Variants in SLC25A29 observed in about 807,000 individuals in gnomAD.
SLC25A29 encodes mitochondrial basic amino acids transporter.
Under a neutral mutation model 10.0 loss-of-function variants are expected in SLC25A29, and 13 were observed. The ratio of observed to expected loss-of-function variants is 1.30; its 90% CI spans 0.85 to 2.07. The LOEUF is 2.07. Ranked by LOEUF, SLC25A29 falls within the 30% of genes most tolerant of loss-of-function variation. The pLI is 0.00. For synonymous variants in SLC25A29, 244 were observed against 221.1 expected, an observed-to-expected ratio of 1.10 and a Z score of -0.92; for missense variants, 475 against 447.6, an observed-to-expected ratio of 1.06 and a Z score of -0.55.
chr14:100,279,519 G>A, the SLC25A29 span: 1 of 152,244 alleles, frequency 6.6e-6, no homozygotes, highest in Admixed American at 6.5e-5. Flanking sequence ...TGATGGAACT[G>A]AGTTAAGCAG....
At chr14:100,293,133 C>T in intron 3 of SLC25A29, 101 bp from the exon 4 acceptor site, 1 of 1,453,460 alleles carries the variant, frequency 6.9e-7, no homozygotes. Context: ...ACCCCAGGGG[C>T]TCCTGAGGAC....
At chr14:100,288,404 A>AAAAAAAG (rs1891588739), downstream of SLC25A29, among the ~76,000 whole-genome samples, 1 of 151,406 alleles carries the variant, frequency 6.6e-6, no homozygotes, top group Non-Finnish European at 1.5e-5. Context: ...AAAAAAAAAA[A>AAAAAAAG]AAGACAGTTT....
chr14:100,295,650 C>T (rs897604356), intron 2 of SLC25A29: 21 of 1,289,406 alleles, frequency 1.6e-5, no homozygotes, highest in African/African-American at 1.4e-4. Context: ...GTGAGGCTTA[C>T]GCCCATCTAC....
chr14:100,295,714 A>C (rs1566800288), intron 2 of SLC25A29: 1 of 1,289,562 alleles, frequency 7.8e-7, no homozygotes, highest in East Asian at 5.5e-5. Context: ...CAGAAAGTAA[A>C]GGCGGTTAAA....
At chr14:100,283,408 A>G in the SLC25A29 span, among the ~76,000 whole-genome samples, 1 of 152,028 alleles carries the variant, frequency 6.6e-6, no homozygotes, top group African/African-American at 2.4e-5. Flanking sequence ...TGAAGGCCCT[A>G]AGTAGGGCTG....
chr14:100,289,707 G>A (rs1032978477), downstream of SLC25A29, among the ~76,000 whole-genome samples: 7 of 151,884 alleles, frequency 4.6e-5, no homozygotes, highest in Admixed American at 1.3e-4. Flanking sequence ...GCCAGGTGTG[G>A]TGGTGCACGC....
At chr14:100,302,014 TCTCTA>T (rs1288155438) in intron 1 of SLC25A29, among the ~76,000 whole-genome samples, 2 of 151,112 alleles carry the variant, frequency 1.3e-5, no homozygotes, top group Non-Finnish European at 2.9e-5. Flanking sequence ...AATCTTGGGG[TCTCTA>T]CTCATCAACT....
In SLC25A29 at chr14:100,292,798, C is replaced by G. The variant is rs768391843; in HGVS notation, c.397G>C (p.Gly133Arg). The change falls in exon 4 of 4, where the codon GGC becomes CGC. Residue 133 changes from glycine to arginine, a missense_variant. By Grantham distance (125) the Gly-to-Arg change is moderately radical. Coordinates refer to ENST00000359232, the MANE Select transcript of SLC25A29 (RefSeq NM_001039355.3). ...QDAGPARTYKGSLDCLAQIYG... is the reference protein window; with the variant it reads ...QDAGPARTYKRSLDCLAQIYG... ...ATCTGCGCGAGGCAGTCCAGCGAGC[C>G]CTTGTAGGTGCGCGCTGGGCCCGCG... is the stretch of plus-strand genomic sequence containing the variant. 9.4e-6 allele frequency: 15 copies of G among 1,594,652 alleles called. No homozygotes were observed. The highest frequency in any genetic ancestry group is 7.7e-6 in the Non-Finnish European group (9 of 1,172,598).
chr14:100,300,783 GAAC>G (rs1395334455), intron 1 of SLC25A29, among the ~76,000 whole-genome samples: 1 of 152,164 alleles, frequency 6.6e-6, no homozygotes, highest in Non-Finnish European at 1.5e-5. Context: ...GATTTTGCTG[GAAC>G]AACTGAGGGA....
At chr14:100,301,456 C>T (rs188023710) in intron 1 of SLC25A29, among the ~76,000 whole-genome samples, 5 of 152,196 alleles carry the variant, frequency 3.3e-5, no homozygotes, top group Admixed American at 1.3e-4. Context: ...TGAGCCACCA[C>T]GCCCAGCTAT....
chr14:100,301,970 G>A (rs116196338), intron 1 of SLC25A29, among the ~76,000 whole-genome samples: 2 of 151,796 alleles, frequency 1.3e-5, no homozygotes, highest in East Asian at 1.9e-4. Context: ...CATTGAGACC[G>A]TGAGACTCAA....
chr14:100,289,138 G>A (rs1891606545), downstream of SLC25A29, among the ~76,000 whole-genome samples: 1 of 152,222 alleles, frequency 6.6e-6, no homozygotes, highest in Admixed American at 6.5e-5. Flanking sequence ...GGAACAGTTC[G>A]TCCCTCAGAG....
downstream of SLC25A29, among the ~76,000 whole-genome samples, chr14:100,286,470 T>TGGGGGGG (rs397961103): frequency 1.2e-5 from 1 of 80,374 alleles, no homozygotes; most frequent in African/African-American, 5.6e-5. Context: ...AGAGCATGGC[T>TGGGGGGG]GGGGGGGGGG....
At chr14:100,298,816 G>GA in intron 2 of SLC25A29, 26 bp downstream of exon 2, 4 of 1,613,582 alleles carry the variant, frequency 2.5e-6, no homozygotes, top group Non-Finnish European at 3.4e-6. Flanking sequence ...ACGCGCCGAG[G>GA]AAAAAAAAGC....
downstream of SLC25A29, among the ~76,000 whole-genome samples, chr14:100,289,106 C>T (rs1328848620): frequency 2.6e-5 from 4 of 152,304 alleles, no homozygotes; most frequent in African/African-American, 9.6e-5. Flanking sequence ...GCCAGCTGCC[C>T]CCAGAAGCTT....
the SLC25A29 span, chr14:100,278,609 GATT>G: frequency 2.6e-5 from 4 of 152,246 alleles, no homozygotes; most frequent in African/African-American, 7.2e-5. Flanking sequence ...CAATTACAGT[GATT>G]ATTGATGAAA....
At chr14:100,290,125 A>C (rs991718780), downstream of SLC25A29, among the ~76,000 whole-genome samples, 1 of 152,334 alleles carries the variant, frequency 6.6e-6, no homozygotes, top group South Asian at 2.1e-4. Flanking sequence ...AGTTCCTGAC[A>C]AGGGTCACGT....
chr14:100,299,016 T>C (rs1892363554), intron 1 of SLC25A29, 131 bp from the exon 2 acceptor site: 1 of 1,478,490 alleles, frequency 6.8e-7, no homozygotes, highest in African/African-American at 1.4e-5. Flanking sequence ...ACCAAGCACC[T>C]GTGGGTGCAG....
At chr14:100,283,717 AC>A in the SLC25A29 span, among the ~76,000 whole-genome samples, 1 of 152,060 alleles carries the variant, frequency 6.6e-6, no homozygotes, top group Admixed American at 6.5e-5. Flanking sequence ...TTCTGACCTC[AC>A]AATCCACCCG....
Sources: allele counts gnomAD v4.1 joint callset (sites outside exome capture counted in the v4.1 genomes callset), GRCh38; gene constraint gnomAD v4.1.1; transcripts MANE v1.5; gene names NCBI Gene and HGNC (gene_info 2026-07-23, HGNC 2026-07-21).